Variants in PHF20 observed in about 807,000 individuals in gnomAD.
PHF20 encodes PHD finger protein 20.
Under a neutral mutation model 113.5 loss-of-function variants are expected in PHF20, and 23 were observed. That is an observed-to-expected ratio of 0.20 (90% CI 0.15 to 0.29). The LOEUF (loss-of-function observed/expected upper bound fraction) is 0.29, where lower values mean the gene tolerates loss of function less well. PHF20 is among the 10% of genes least tolerant of loss of function. The pLI, the probability that PHF20 is intolerant of heterozygous loss-of-function variation, is 1.00. For synonymous variants in PHF20, 434 were observed against 457.3 expected, an observed-to-expected ratio of 0.95 and a Z score of 0.65; for missense variants, 943 against 1,219.6, an observed-to-expected ratio of 0.77 and a Z score of 3.38.
intron 2 of PHF20, among the ~76,000 whole-genome samples, chr20:35,820,179 T>A (rs368847046): frequency 6.6e-6 from 1 of 152,200 alleles, no homozygotes; most frequent in South Asian, 2.1e-4. Flanking sequence ...AGATATTTAC[T>A]CTGTACAAAG....
chr20:35,850,867 T>A, intron 4 of PHF20: 1 of 1,137,508 alleles, frequency 8.8e-7, no homozygotes. Context: ...GTTTGCTGAA[T>A]GCTTCGAACT....
Position 35,947,722 on chromosome 20 carries a change from A to T in PHF20, c.*95A>T. On this transcript the variant is annotated 3_prime_UTR_variant, in exon 18 of 18. Coordinates refer to ENST00000374012, the MANE Select transcript of PHF20 (RefSeq NM_016436.5). ...TAAATAAACCTAGCATGCTGAATGC[A>T]CGTGACACCGACTGACTTCAGGGAT... 7.8e-7 allele frequency: 1 copy of T among 1,285,650 alleles called. No individual in the cohort carries two copies. Among genetic ancestry groups the T allele is most frequent in the South Asian group, 1.4e-5 (1 of 73,822 alleles). The allele number at this position is 1,285,650 out of a possible 1,614,324, so 79.6% of individuals were successfully genotyped here.
chr20:35,791,090 C>A (rs918005231), intron 1 of PHF20, among the ~76,000 whole-genome samples: 1 of 152,132 alleles, frequency 6.6e-6, no homozygotes, highest in Admixed American at 6.6e-5. Context: ...AACTCCTGAC[C>A]TTGTGATCCA....
intron 2 of PHF20, among the ~76,000 whole-genome samples, chr20:35,811,414 A>G (rs1600766060): frequency 7.0e-6 from 1 of 143,482 alleles, no homozygotes; most frequent in Non-Finnish European, 1.5e-5. Context: ...ATTTGTTCTT[A>G]TTTTTGGGCC....
chr20:35,938,672 C>T (rs1374482048), intron 15 of PHF20, 25 bp from the exon 16 acceptor site: 2 of 1,574,468 alleles, frequency 1.3e-6, no homozygotes, highest in Admixed American at 1.9e-5. Flanking sequence ...CTCCAAAGCC[C>T]ATGTCCTCTT....
intron 1 of PHF20, among the ~76,000 whole-genome samples, chr20:35,794,014 AAAAG>A (rs1389095045): frequency 6.8e-6 from 1 of 146,002 alleles, no homozygotes; most frequent in East Asian, 2.0e-4. Context: ...AAAAAAAAAA[AAAAG>A]GCCAGGCGCG....
intron 9 of PHF20, among the ~76,000 whole-genome samples, chr20:35,887,977 C>CT (rs1173881486): frequency 0.013 from 1,761 of 137,276 alleles, 16 homozygotes; most frequent in East Asian, 0.036. Flanking sequence ...TTAGGGTTAC[C>CT]TTTTTTTTTT....
chr20:35,824,466 G>A (rs943590984), intron 2 of PHF20, among the ~76,000 whole-genome samples: 5 of 151,914 alleles, frequency 3.3e-5, no homozygotes, highest in Non-Finnish European at 7.4e-5. Context: ...AATTAGCTGG[G>A]TGTGGTGGCA....
chr20:35,802,136 T>C (rs1379368956), intron 2 of PHF20, among the ~76,000 whole-genome samples: 1 of 152,146 alleles, frequency 6.6e-6, no homozygotes, highest in Non-Finnish European at 1.5e-5. Flanking sequence ...GGCTGGTAAT[T>C]AGCTGCTTTG....
intron 1 of PHF20, among the ~76,000 whole-genome samples, chr20:35,778,857 A>G (rs888525309): frequency 4.6e-5 from 7 of 152,144 alleles, no homozygotes; most frequent in South Asian, 4.1e-4. Flanking sequence ...CTTTTGCCAA[A>G]TAATGGAACT....
At chr20:35,824,237 GT>G (rs1273745000) in intron 2 of PHF20, among the ~76,000 whole-genome samples, 1 of 152,036 alleles carries the variant, frequency 6.6e-6, no homozygotes, top group East Asian at 1.9e-4. Flanking sequence ...TCAGCACTTG[GT>G]GGGATTCTTT....
intron 2 of PHF20, among the ~76,000 whole-genome samples, chr20:35,814,593 G>A (rs1261981590): frequency 6.6e-6 from 1 of 150,770 alleles, no homozygotes; most frequent in Non-Finnish European, 1.5e-5. Context: ...AAATAAATAG[G>A]CCGGGCGCGG....
chr20:35,833,090 T>A (rs2146922991), intron 2 of PHF20, among the ~76,000 whole-genome samples: 2 of 151,970 alleles, frequency 1.3e-5, no homozygotes, highest in South Asian at 4.2e-4. Context: ...GATTCTGTAT[T>A]TCTAAACCCT....
At chr20:35,855,875 C>T (rs983304422) in intron 4 of PHF20, among the ~76,000 whole-genome samples, 2 of 152,050 alleles carry the variant, frequency 1.3e-5, no homozygotes, top group Admixed American at 1.3e-4. Flanking sequence ...GACAGGGTTT[C>T]ACCATGTTGG....
rs535632776 is a variant in PHF20 at position 35,903,802 on chromosome 20, C to T, written c.1561+4154C>T. 1.1e-4 allele frequency among the ~76,000 whole-genome samples: 17 copies of T among 152,274 alleles called. 1 individual carries two copies. The South Asian group carries it at 2.7e-3, about 24-fold the overall frequency. ...CAGTAGACATGTTCAGTGTTTATCA[C>T]GTAGCTGGCTATCAATGAGAGTGAA... On this transcript the variant is annotated intron_variant, in intron 10 of 17. Coordinates refer to ENST00000374012, the MANE Select transcript of PHF20 (RefSeq NM_016436.5).
intron 10 of PHF20, among the ~76,000 whole-genome samples, chr20:35,902,897 C>G: frequency 6.6e-6 from 1 of 152,060 alleles, no homozygotes; most frequent in East Asian, 1.9e-4. Flanking sequence ...AGCATTTACC[C>G]AGGCAGTCAG....
intron 13 of PHF20, 119 bp downstream of exon 13, chr20:35,917,781 A>C: frequency 1.3e-6 from 1 of 790,210 alleles, no homozygotes; most frequent in Non-Finnish European, 2.0e-6. Flanking sequence ...CACGAACGGC[A>C]GCAGACTGAG....
At chr20:35,883,810 A>G (rs549501207) in intron 9 of PHF20, among the ~76,000 whole-genome samples, 29 of 152,298 alleles carry the variant, frequency 1.9e-4, no homozygotes, top group African/African-American at 6.5e-4. Flanking sequence ...GGTGCTATAT[A>G]AATCAAGTGA....
chr20:35,792,738 A>T (rs1367626859), intron 1 of PHF20, among the ~76,000 whole-genome samples: 4 of 152,096 alleles, frequency 2.6e-5, no homozygotes, highest in African/African-American at 7.2e-5. Flanking sequence ...ATTGACTATA[A>T]TTCTTTGTGT....
Sources: allele counts gnomAD v4.1 joint callset (sites outside exome capture counted in the v4.1 genomes callset), GRCh38; gene constraint gnomAD v4.1.1; transcripts MANE v1.5; gene names NCBI Gene and HGNC (gene_info 2026-07-23, HGNC 2026-07-21).